The following DGKB variants were observed in gnomAD, a reference collection of about 807,000 sequenced individuals.
DGKB encodes the protein diacylglycerol kinase beta.
Under a neutral mutation model 114.3 loss-of-function variants are expected in DGKB, and 67 were observed. That is an observed-to-expected ratio of 0.59 (90% CI 0.48 to 0.72). The LOEUF is 0.72. Among genes scored for constraint, DGKB ranks in the 30% least tolerant of loss-of-function variants. The pLI, the probability that DGKB is intolerant of heterozygous loss-of-function variation, is 0.00. For synonymous variants in DGKB, 398 were observed against 323.1 expected, an observed-to-expected ratio of 1.23 and a Z score of -2.49; for missense variants, 907 against 975.2, an observed-to-expected ratio of 0.93 and a Z score of 0.93.
intron 21 of DGKB, among the ~76,000 whole-genome samples, chr7:14,409,366 A>C (rs539907212): frequency 6.6e-6 from 1 of 152,128 alleles, no homozygotes; most frequent in Admixed American, 6.6e-5. Flanking sequence ...AATGCTACTA[A>C]GGATGCTTGA....
At chr7:14,670,074 TAAAGGCC>T (rs1376073011) in intron 13 of DGKB, among the ~76,000 whole-genome samples, 4 of 152,118 alleles carry the variant, frequency 2.6e-5, no homozygotes, top group African/African-American at 9.7e-5. Flanking sequence ...AATTCATGAA[TAAAGGCC>T]TATTTGATCT....
At chr7:14,602,873 G>A (rs533023339) in intron 17 of DGKB, among the ~76,000 whole-genome samples, 1 of 152,286 alleles carries the variant, frequency 6.6e-6, no homozygotes, top group East Asian at 1.9e-4. Flanking sequence ...TTTCTTTAGA[G>A]TGTTTCAGCA....
At chr7:14,613,295 TTACATATACATGACATAGACAC>T in intron 16 of DGKB, 23 bp downstream of exon 16, 1 of 1,167,070 alleles carries the variant, frequency 8.6e-7, no homozygotes, top group South Asian at 1.5e-5. Flanking sequence ...GTCTATTTTT[TTACATATACATGACATAGACAC>T]TAAAATCAAT....
chr7:14,904,173 C>T (rs1307592647), upstream of DGKB, among the ~76,000 whole-genome samples: 2 of 152,094 alleles, frequency 1.3e-5, no homozygotes, highest in South Asian at 2.1e-4. Flanking sequence ...TCTGTCTTCA[C>T]TTTCTTGTTC....
chr7:14,962,826 A>G (rs187557571), intron 1 of DGKB, among the ~76,000 whole-genome samples: 160 of 152,268 alleles, frequency 1.1e-3, no homozygotes, highest in African/African-American at 3.8e-3. Context: ...TGTATAAGCT[A>G]TTATATGATT....
At chr7:14,554,513 G>A (rs775306840) in intron 20 of DGKB, among the ~76,000 whole-genome samples, 3 of 151,946 alleles carry the variant, frequency 2.0e-5, no homozygotes, top group Non-Finnish European at 4.4e-5. Context: ...TTTCCCTGTG[G>A]AATAGATTTT....
rs1017126294 is a variant in DGKB at position 14,400,672 on chromosome 7, CTTTGA to C, written c.1836-55286_1836-55282del. Among the ~76,000 whole-genome samples the C allele has an allele frequency of 3.9e-4, 59 of 150,538 alleles. 2 individuals carry two copies. The highest frequency in any genetic ancestry group is 2.1e-4 in the South Asian group (1 of 4,786). On this transcript the variant is annotated intron_variant, in intron 21 of 25. Coordinates refer to ENST00000402815, the MANE Select transcript of DGKB (RefSeq NM_001350709.2). ...GCGTTTTATGTAATGCAGCTATTTCCTTTGATTTGAGTTCAAGCAGAAAGGCTAAA... is the reference window on the plus strand; with the variant it reads ...GCGTTTTATGTAATGCAGCTATTTCCTTTGAGTTCAAGCAGAAAGGCTAAA...
intron 21 of DGKB, among the ~76,000 whole-genome samples, chr7:14,358,942 A>C (rs1045677336): frequency 6.6e-6 from 1 of 152,138 alleles, no homozygotes; most frequent in African/African-American, 2.4e-5. Context: ...ATTGGAAAAA[A>C]ACTACCTTAA....
chr7:14,150,582 A>G (rs1253657267), intron 25 of DGKB, among the ~76,000 whole-genome samples: 1 of 152,108 alleles, frequency 6.6e-6, no homozygotes, highest in Non-Finnish European at 1.5e-5. Context: ...TCCTGCAAAA[A>G]TAAATTGCAC....
At chr7:14,358,895 C>A (rs1449581993) in intron 21 of DGKB, among the ~76,000 whole-genome samples, 1 of 152,044 alleles carries the variant, frequency 6.6e-6, no homozygotes, top group Non-Finnish European at 1.5e-5. Context: ...AGATTCAATG[C>A]CATCCCCATC....
intron 21 of DGKB, among the ~76,000 whole-genome samples, chr7:14,422,283 T>C (rs1201717841): frequency 6.6e-6 from 1 of 152,084 alleles, no homozygotes; most frequent in East Asian, 1.9e-4. Context: ...GTAATAACTT[T>C]TAATGGAGTA....
chr7:14,863,211 G>T (rs756092883), intron 1 of DGKB, among the ~76,000 whole-genome samples: 1 of 151,740 alleles, frequency 6.6e-6, no homozygotes, highest in East Asian at 1.9e-4. Context: ...AATTGTGTGT[G>T]TGTGAGTTTG....
chr7:14,627,312 G>T (rs1282931507), intron 14 of DGKB, among the ~76,000 whole-genome samples: 2 of 152,112 alleles, frequency 1.3e-5, no homozygotes, highest in Non-Finnish European at 2.9e-5. Context: ...TGGTCTTAAA[G>T]TACCTGGGGG....
chr7:14,413,791 CTT>C (rs1315633305), intron 21 of DGKB, among the ~76,000 whole-genome samples: 1 of 152,104 alleles, frequency 6.6e-6, no homozygotes, highest in Non-Finnish European at 1.5e-5. Flanking sequence ...TTGGATCAGA[CTT>C]GAGCTGTGAA....
intron 1 of DGKB, among the ~76,000 whole-genome samples, chr7:14,879,115 G>T (rs370494143): frequency 1.3e-5 from 2 of 151,856 alleles, no homozygotes; most frequent in East Asian, 1.9e-4. Flanking sequence ...ATTTGTTTTA[G>T]CAAAGAACTA....
chr7:14,836,920 C>T (rs902316413), intron 2 of DGKB, among the ~76,000 whole-genome samples: 1 of 152,212 alleles, frequency 6.6e-6, no homozygotes, highest in African/African-American at 2.4e-5. Flanking sequence ...CAAACTGTGG[C>T]TCTTTTCTAC....
chr7:14,735,283 C>T (rs1166997566), intron 5 of DGKB, among the ~76,000 whole-genome samples: 1 of 152,138 alleles, frequency 6.6e-6, no homozygotes, highest in Admixed American at 6.5e-5. Context: ...TGCTAGGCAA[C>T]CCCTCACCTC....
At chr7:14,287,212 T>C (rs1801012376) in intron 23 of DGKB, among the ~76,000 whole-genome samples, 1 of 152,126 alleles carries the variant, frequency 6.6e-6, no homozygotes, top group South Asian at 2.1e-4. Context: ...AATTTAGGTT[T>C]TGAGCATGTT....
chr7:14,478,211 T>C lies in DGKB; in HGVS notation c.1785A>G (p.Ala595=), dbSNP rs761535152. Residue 595 remains alanine (A), a synonymous_variant, in exon 21 of 26, where the codon GCA becomes GCG. Transcript: ENST00000402815. ...YFSIGVDASI[A]HRFHIMREKH... ...TTTCTCTCATGATGTGGAATCTGTG[T>C]GCAATGGAGGCATCCTAAGGGGAGA... is the stretch of plus-strand genomic sequence containing the variant. The C allele has an allele frequency of 8.1e-6, 13 of 1,600,122 alleles. No homozygotes were observed. In the South Asian group the frequency reaches 1.4e-4, roughly 17 times the overall value.
Sources: gnomAD v4.1 joint callset for allele counts (sites outside exome capture counted in the v4.1 genomes callset) on GRCh38, gnomAD v4.1.1 for gene constraint, MANE v1.5 for transcripts, NCBI Gene and HGNC (gene_info 2026-07-23, HGNC 2026-07-21) for gene names.